PLS3: variants seen among roughly 807,000 people sequenced by gnomAD.
The protein encoded by PLS3 is plastin 3, also known as plastin-3.
In PLS3, 11 loss-of-function variants were observed where a neutral mutation model predicts 46.5. The ratio of observed to expected loss-of-function variants is 0.24; its 90% CI spans 0.15 to 0.39. The LOEUF (loss-of-function observed/expected upper bound fraction) is 0.39. Ranked by LOEUF, PLS3 falls within the 10% of genes least tolerant of loss-of-function variation. PLS3 has a pLI of 1.00. For synonymous variants in PLS3, 167 were observed against 162.2 expected, an observed-to-expected ratio of 1.03 and a Z score of -0.22; for missense variants, 308 against 461.8, an observed-to-expected ratio of 0.67 and a Z score of 3.05.
At chrX:115,634,810 T>C in intron 6 of PLS3, 71 bp from the exon 7 acceptor site, 1 of 944,978 alleles carries the variant, frequency 1.1e-6, no homozygotes, top group Non-Finnish European at 1.5e-6. Flanking sequence ...TTATTTTCAG[T>C]GAAGGGAGAA....
rs781926213 is a variant in PLS3, at chrX:115,570,601, C to G, written c.-9+9341C>G. 1.0e-3 allele frequency among the ~76,000 whole-genome samples: 107 copies of G among 101,925 alleles called. 2 individuals carry two copies. Among genetic ancestry groups the G allele is most frequent in the Non-Finnish European group, 3.2e-4 (16 of 50,761 alleles). 88.5% of individuals were successfully genotyped at this position (101,925 alleles called of 115,157 possible). On this transcript the variant is annotated intron_variant, in intron 1 of 15. Coordinates refer to ENST00000355899, the MANE Select transcript of PLS3 (RefSeq NM_005032.7). Reference sequence around the variant, plus strand: ...TCACTGCAACCTTGACTTCCCGGGGCTCAAGCGATCTCCGTGCCTCAGCCT... The same window carrying G: ...TCACTGCAACCTTGACTTCCCGGGGGTCAAGCGATCTCCGTGCCTCAGCCT...
At chrX:115,647,442 G>A in intron 13 of PLS3, 108 bp from the exon 14 acceptor site, 1 of 824,250 alleles carries the variant, frequency 1.2e-6, no homozygotes, top group Non-Finnish European at 1.7e-6. Flanking sequence ...TCAAAAAAAA[G>A]AAGAAAAATT....
chrX:115,642,081 G>GT (rs1274582045), intron 9 of PLS3, among the ~76,000 whole-genome samples: 4 of 82,193 alleles, frequency 4.9e-5, no homozygotes, highest in African/African-American at 1.9e-4. Context: ...GTTTCGCCAT[G>GT]TTGGCCAGGC....
intron 9 of PLS3, 149 bp downstream of exon 9, chrX:115,640,652 C>A: frequency 2.7e-6 from 1 of 373,945 alleles, no homozygotes; most frequent in South Asian, 7.6e-5. Flanking sequence ...AATTCAGAGG[C>A]CAGAAAACTA....
intron 1 of PLS3, among the ~76,000 whole-genome samples, chrX:115,587,847 C>A (rs1267427762): frequency 8.9e-6 from 1 of 112,092 alleles, no homozygotes; most frequent in Non-Finnish European, 1.9e-5. Context: ...CCAAGTGTGC[C>A]TCTCACTGCA....
chrX:115,564,498 G>C (rs1469333900), intron 1 of PLS3, among the ~76,000 whole-genome samples: 2 of 112,333 alleles, frequency 1.8e-5, no homozygotes, highest in African/African-American at 6.5e-5. Flanking sequence ...TCTCCCAGGA[G>C]AACAGAATTC....
At chrX:115,565,400 A>G (rs1322956199) in intron 1 of PLS3, among the ~76,000 whole-genome samples, 1 of 111,527 alleles carries the variant, frequency 9.0e-6, no homozygotes, top group Non-Finnish European at 1.9e-5. Flanking sequence ...TGCAGTCTGG[A>G]CAGATAGATT....
At chrX:115,620,711 T>TTTTTTTTTTTTTTTTTTTTTTTG (rs1556637397) in intron 2 of PLS3, among the ~76,000 whole-genome samples, 1 of 84,232 alleles carries the variant, frequency 1.2e-5, no homozygotes, top group Non-Finnish European at 2.4e-5. Flanking sequence ...CTTTTCTTTT[T>TTTTTTTTTTTTTTTTTTTTTTTG]TTTTTTTTTT....
At chrX:115,631,167 T>C (rs955090802) in intron 5 of PLS3, among the ~76,000 whole-genome samples, 4 of 106,033 alleles carry the variant, frequency 3.8e-5, no homozygotes, top group Admixed American at 1.1e-4. Context: ...GCCATTCTCC[T>C]GCCTCAGCCT....
intron 1 of PLS3, among the ~76,000 whole-genome samples, chrX:115,590,522 G>A (rs1556632938): frequency 8.9e-6 from 1 of 111,967 alleles, no homozygotes; most frequent in South Asian, 3.7e-4. Context: ...TACTGATGTG[G>A]TAGAACTGTC....
At chrX:115,647,858 T>C (rs1487219334) in intron 14 of PLS3, 35 bp from the exon 15 acceptor site, 1 of 1,197,832 alleles carries the variant, frequency 8.3e-7, no homozygotes, top group Non-Finnish European at 1.1e-6. Context: ...TTTGTATGTA[T>C]CAAAATTCTC....
intron 9 of PLS3, among the ~76,000 whole-genome samples, chrX:115,641,266 T>C (rs1255458772): frequency 2.0e-5 from 2 of 100,519 alleles, no homozygotes; most frequent in Non-Finnish European, 4.0e-5. Context: ...CTCACTCTGT[T>C]GCTGAGGCTG....
intron 1 of PLS3, among the ~76,000 whole-genome samples, chrX:115,596,426 G>A (rs782365546): frequency 2.1e-4 from 24 of 111,767 alleles, no homozygotes; most frequent in South Asian, 7.5e-4. Flanking sequence ...TCACAGGCTC[G>A]TGGAGGAGAT....
At chrX:115,588,022 T>C (rs1172768582) in intron 1 of PLS3, among the ~76,000 whole-genome samples, 2 of 112,425 alleles carry the variant, frequency 1.8e-5, no homozygotes, top group African/African-American at 6.5e-5. Flanking sequence ...TTAGATTTTG[T>C]ATAATGAAAT....
At chrX:115,613,433 G>A (rs2074565537) in intron 2 of PLS3, among the ~76,000 whole-genome samples, 1 of 111,486 alleles carries the variant, frequency 9.0e-6, no homozygotes, top group South Asian at 3.7e-4. Context: ...AAAAAAAACA[G>A]TGCTTTAGTT....
At position 115,623,958 on chromosome X, in the gene PLS3, G is replaced by A. The variant is rs112334830; in HGVS notation, c.237+1549G>A. Among the ~76,000 whole-genome samples, 791 of 112,216 alleles carry A rather than the reference G, an allele frequency of 7.0e-3. 13 individuals are homozygous for A. The highest frequency in any genetic ancestry group is 0.024 in the African/African-American group (750 of 30,978). On this transcript the variant is annotated intron_variant, in intron 3 of 15. Coordinates refer to ENST00000355899, the MANE Select transcript of PLS3 (RefSeq NM_005032.7). Reference sequence around the variant, plus strand: ...AAATGCACACTTGTCGGCCGGGCACGGTGGCTCACGCCTGTAATCCCAGCA... The same window carrying A: ...AAATGCACACTTGTCGGCCGGGCACAGTGGCTCACGCCTGTAATCCCAGCA...
intron 1 of PLS3, among the ~76,000 whole-genome samples, chrX:115,608,582 A>G (rs1461640301): frequency 2.7e-5 from 3 of 112,119 alleles, no homozygotes; most frequent in African/African-American, 9.7e-5. Context: ...TTGGTCAATG[A>G]CTGATCGAAT....
intron 5 of PLS3, among the ~76,000 whole-genome samples, chrX:115,633,605 C>T (rs2074800579): frequency 9.0e-6 from 1 of 110,915 alleles, no homozygotes; most frequent in East Asian, 2.8e-4. Flanking sequence ...GTCCTCTTTC[C>T]TCAGCCTCCT....
At position 115,572,949 on chromosome X, in the gene PLS3, C is replaced by T. The variant is rs781800579; in HGVS notation, c.-9+11689C>T. 2.1e-4 allele frequency among the ~76,000 whole-genome samples: 23 copies of T among 108,668 alleles called. No homozygotes were observed. The East Asian group carries it at 3.5e-3, about 17-fold the overall frequency. The allele number at this position is 108,668 out of a possible 115,157, so 94.4% of individuals were successfully genotyped here. A position where few individuals can be genotyped will look rare whatever the true frequency, so the allele number is the denominator to read the frequency against. On this transcript the variant is annotated intron_variant, in intron 1 of 15. Transcript: ENST00000355899. Reference sequence around the variant, plus strand: ...CTCTACTAAAAATACAAAAATTAGCCAAGTGTGGTGGCAAGCGCAAGTAAT... The same window carrying T: ...CTCTACTAAAAATACAAAAATTAGCTAAGTGTGGTGGCAAGCGCAAGTAAT...
Sources: gnomAD v4.1 joint callset for allele counts (sites outside exome capture counted in the v4.1 genomes callset) on GRCh38, gnomAD v4.1.1 for gene constraint, MANE v1.5 for transcripts, NCBI Gene and HGNC (gene_info 2026-07-23, HGNC 2026-07-21) for gene names.